Variants in PPP2R5C observed in about 807,000 individuals in gnomAD.
PPP2R5C encodes protein phosphatase 2 regulatory subunit B'gamma, also known as serine/threonine-protein phosphatase 2A 56 kDa regulatory subunit gamma isoform.
In PPP2R5C, 7 loss-of-function variants were observed where a neutral mutation model predicts 68.9. That is an observed-to-expected ratio of 0.10 (90% CI 0.06 to 0.19). The LOEUF is 0.19. Ranked by LOEUF, PPP2R5C falls within the 10% of genes least tolerant of loss-of-function variation. PPP2R5C has a pLI of 1.00. For synonymous variants in PPP2R5C, 210 were observed against 222.2 expected (o/e 0.95, Z 0.49); for missense variants, 348 against 641.3 (o/e 0.54, Z 4.94).
At chr14:101,761,065 G>A (rs1423339667), upstream of PPP2R5C, among the ~76,000 whole-genome samples, 2 of 138,850 alleles carry the variant, frequency 1.4e-5, no homozygotes, top group South Asian at 2.5e-4. Flanking sequence ...GGGGAGTGGA[G>A]GGAGAGGAGG....
chr14:101,906,129 A>T lies in PPP2R5C; in HGVS notation c.1024-273A>T, dbSNP rs2046009061. Among the ~76,000 whole-genome samples, 1 of 152,226 alleles carries T rather than the reference A, an allele frequency of 6.6e-6. No individual in the cohort carries two copies. The highest frequency in any genetic ancestry group is 1.5e-5 in the Non-Finnish European group (1 of 68,042). On this transcript the variant is annotated intron_variant, in intron 9 of 13. Transcript: ENST00000334743. The surrounding 1 kb of genome is among the most constrained non-coding windows in gnomAD (Gnocchi z 4.0). ...GCCTCCTTTGAGTTGTCTCCTCAGC[A>T]TCTAGCCAGCATCTAGCATAAATGT...
intron 2 of PPP2R5C, among the ~76,000 whole-genome samples, chr14:101,780,728 ACTT>A (rs1471667861): frequency 1.3e-5 from 2 of 152,194 alleles, no homozygotes; most frequent in Non-Finnish European, 2.9e-5. Flanking sequence ...CATTAAAAAT[ACTT>A]CTTAAGTGGC....
At chr14:101,828,693 T>TC (rs1378890959) in intron 1 of PPP2R5C, among the ~76,000 whole-genome samples, 1 of 151,250 alleles carries the variant, frequency 6.6e-6, no homozygotes, top group African/African-American at 2.4e-5. Context: ...TTTTTTTTTT[T>TC]TTTAGACAGT....
chr14:101,916,129 C>T lies in PPP2R5C; in HGVS notation c.1327-1702C>T, dbSNP rs914732445. Among the ~76,000 whole-genome samples, 12 of 152,160 alleles carry T rather than the reference C, an allele frequency of 7.9e-5. No individual in the cohort carries two copies. The highest frequency in any genetic ancestry group is 2.9e-4 in the African/African-American group (12 of 41,420). On this transcript the variant is annotated intron_variant, in intron 12 of 13. Coordinates refer to ENST00000334743, the Ensembl canonical transcript of PPP2R5C. The surrounding 1 kb of genome is among the most constrained non-coding windows in gnomAD (Gnocchi z 5.5). ...TAAAGAGCCATAAAGGGCAAAATGG[C>T]CCAGCCCGACTTGCATTTTTGCAAG... is the stretch of plus-strand genomic sequence containing the variant.
At chr14:101,764,484 C>CT (rs993138433) in intron 2 of PPP2R5C, among the ~76,000 whole-genome samples, 1 of 152,036 alleles carries the variant, frequency 6.6e-6, no homozygotes, top group Non-Finnish European at 1.5e-5. Flanking sequence ...CTGCAGTGGA[C>CT]TTTTTTTTAG....
chr14:101,865,672 T>C (rs2043016820), intron 2 of PPP2R5C, among the ~76,000 whole-genome samples: 1 of 152,138 alleles, frequency 6.6e-6, no homozygotes, highest in Non-Finnish European at 1.5e-5. Flanking sequence ...TGCAGACAAA[T>C]AGCTGTAATG....
intron 2 of PPP2R5C, among the ~76,000 whole-genome samples, chr14:101,871,242 TG>T (rs2043395970): frequency 1.3e-5 from 2 of 151,968 alleles, no homozygotes; most frequent in South Asian, 2.1e-4. Flanking sequence ...TTGTTGTTGT[TG>T]TTGTTGTTGT....
At chr14:101,814,663 T>G (rs1213134192) in intron 1 of PPP2R5C, among the ~76,000 whole-genome samples, 1 of 152,078 alleles carries the variant, frequency 6.6e-6, no homozygotes, top group Non-Finnish European at 1.5e-5. Flanking sequence ...TGTAGAGGAA[T>G]GAAAGAAAAA....
chr14:101,921,054 C>CTGTTTTT (rs2046974675), intron 13 of PPP2R5C: 1 of 53,356 alleles, frequency 1.9e-5, no homozygotes, highest in Non-Finnish European at 3.6e-5. Context: ...ATAAATTCTG[C>CTGTTTTT]TTTTTTTTTT....
intron 8 of PPP2R5C, among the ~76,000 whole-genome samples, chr14:101,900,118 C>T (rs541043660): frequency 7.7e-4 from 117 of 152,246 alleles, no homozygotes; most frequent in African/African-American, 2.6e-3. Context: ...AACTCCTGGG[C>T]TCAAGCATTC....
chr14:101,857,632 C>CAGT (rs2042501869), intron 2 of PPP2R5C, among the ~76,000 whole-genome samples: 1 of 152,252 alleles, frequency 6.6e-6, no homozygotes, highest in South Asian at 2.1e-4. Context: ...ATTCCTCAGT[C>CAGT]AGTACCACCT....
chr14:101,783,617 G>A (rs1034592875), intron 2 of PPP2R5C, among the ~76,000 whole-genome samples: 1 of 152,106 alleles, frequency 6.6e-6, no homozygotes, highest in Admixed American at 6.5e-5. Context: ...AGGGGCAGAA[G>A]CCTATCCTCA....
At chr14:101,900,686 T>A (rs1484197825) in intron 8 of PPP2R5C, among the ~76,000 whole-genome samples, 3 of 152,242 alleles carry the variant, frequency 2.0e-5, no homozygotes, top group Non-Finnish European at 2.9e-5. Flanking sequence ...TGGTAAGACA[T>A]TTGGAAACTA....
intron 1 of PPP2R5C, chr14:101,823,613 A>G (rs1437854632): frequency 3.1e-6 from 1 of 323,224 alleles, no homozygotes; most frequent in Non-Finnish European, 4.5e-6. Context: ...TGAGAGAGTA[A>G]ACAAGTATGA....
rs2041044188 is a variant in PPP2R5C, at chr14:101,835,729, TG to T, written c.95-20956del. Among the ~76,000 whole-genome samples, 1 of 152,238 alleles carries T rather than the reference TG, an allele frequency of 6.6e-6. No homozygotes were observed. Among genetic ancestry groups the T allele is most frequent in the African/African-American group, 2.4e-5 (1 of 41,472 alleles). On this transcript the variant is annotated intron_variant, in intron 1 of 13. Coordinates refer to ENST00000334743, the Ensembl canonical transcript of PPP2R5C. This position sits in a 1 kb window ranked among gnomAD's most constrained non-coding sequence, Gnocchi z 5.0. The stretch of plus-strand genomic sequence containing the variant: ...CTCCCTGTAAGGGACCAGTAGCATG[TG>T]TGGGACCACGCCGCCTGCACAGCCG...
intron 8 of PPP2R5C, among the ~76,000 whole-genome samples, chr14:101,895,619 C>T (rs1397682435): frequency 6.6e-6 from 1 of 152,208 alleles, no homozygotes; most frequent in African/African-American, 2.4e-5. Context: ...TCTTCCAGGG[C>T]TCATTCTTGG....
At chr14:101,823,586 C>G (rs1271296001) in intron 1 of PPP2R5C, 1 of 220,600 alleles carries the variant, frequency 4.5e-6, no homozygotes, top group Non-Finnish European at 7.8e-6. Flanking sequence ...GTTCATTAAC[C>G]GTCGCCCTCT....
chr14:101,882,761 G>A lies in PPP2R5C; in HGVS notation c.405+490G>A, dbSNP rs1381921132. ...CCATCCGTGACAGGCGGCCCACGCTGTCCCACCCAGCATGTCTGCACAGGG... is the reference window on the plus strand; with the variant it reads ...CCATCCGTGACAGGCGGCCCACGCTATCCCACCCAGCATGTCTGCACAGGG... On this transcript the variant is annotated intron_variant, in intron 3 of 13. Transcript: ENST00000334743. The surrounding 1 kb of genome is among the most constrained non-coding windows in gnomAD (Gnocchi z 4.9). 2.5e-5 allele frequency: 4 copies of A among 162,570 alleles called. No individual in the cohort carries two copies. Among genetic ancestry groups the A allele is most frequent in the Non-Finnish European group, 5.3e-5 (4 of 75,138 alleles). 10.1% of individuals were successfully genotyped at this position (162,570 alleles called of 1,614,324 possible). A position where few individuals can be genotyped will look rare whatever the true frequency, so the allele number is the denominator to read the frequency against.
rs2040578859 is a variant in PPP2R5C, at chr14:101,829,121, T to G, written c.94+19085T>G. On this transcript the variant is annotated intron_variant, in intron 1 of 13. Coordinates refer to ENST00000334743, the Ensembl canonical transcript of PPP2R5C. ...AGTCTGGTTGGCGTGTTCCTGGTATTTAGTGGAACTCTGGTCAACACAGGC... is the reference window on the plus strand; with the variant it reads ...AGTCTGGTTGGCGTGTTCCTGGTATGTAGTGGAACTCTGGTCAACACAGGC... Among the ~76,000 whole-genome samples, 3 of 152,150 alleles carry G rather than the reference T, an allele frequency of 2.0e-5. 1 individual carries two copies. The highest frequency in any genetic ancestry group is 2.4e-5 in the African/African-American group (1 of 41,426).
Sources: gnomAD v4.1 joint callset for allele counts (sites outside exome capture counted in the v4.1 genomes callset) on GRCh38, gnomAD v4.1.1 for gene constraint, Gnocchi (gnomAD v3.1) non-coding constraint, MANE v1.5 for transcripts, NCBI Gene and HGNC (gene_info 2026-07-23, HGNC 2026-07-21) for gene names.